RAB2A: variants seen among roughly 807,000 people sequenced by gnomAD.
RAB2A encodes RAB2A, member RAS oncogene family.
In RAB2A, 7 loss-of-function variants were observed where a neutral mutation model predicts 32.5. The ratio of observed to expected loss-of-function variants is 0.22; its 90% CI spans 0.12 to 0.40. The LOEUF is 0.40. Ranked by LOEUF, RAB2A falls within the 10% of genes least tolerant of loss-of-function variation. RAB2A has a pLI of 1.00. For synonymous variants in RAB2A, 79 were observed against 85.2 expected, an observed-to-expected ratio of 0.93 and a Z score of 0.40; for missense variants, 108 against 260.7, an observed-to-expected ratio of 0.41 and a Z score of 4.03.
intron 2 of RAB2A, among the ~76,000 whole-genome samples, chr8:60,569,537 G>A (rs117055822): frequency 6.6e-6 from 1 of 152,008 alleles, no homozygotes; most frequent in Non-Finnish European, 1.5e-5. Context: ...TTGAGACAAG[G>A]TCTCACTCTG....
chr8:60,525,524 T>C (rs1423717418), intron 1 of RAB2A, among the ~76,000 whole-genome samples: 1 of 152,194 alleles, frequency 6.6e-6, no homozygotes, highest in East Asian at 1.9e-4. Flanking sequence ...GCCATTCTCT[T>C]GATTACAGGG....
At chr8:60,528,288 TA>T (rs1422697747) in intron 1 of RAB2A, among the ~76,000 whole-genome samples, 1 of 152,236 alleles carries the variant, frequency 6.6e-6, no homozygotes, top group Non-Finnish European at 1.5e-5. Context: ...TCGTTATCTA[TA>T]AAATGGGAAT....
At chr8:60,563,850 T>C (rs540751435) in intron 2 of RAB2A, among the ~76,000 whole-genome samples, 1 of 152,328 alleles carries the variant, frequency 6.6e-6, no homozygotes, top group East Asian at 1.9e-4. Context: ...GATTCAACTT[T>C]AATAGCTGTG....
chr8:60,534,253 G>A (rs1009105647), intron 1 of RAB2A, among the ~76,000 whole-genome samples: 1 of 152,148 alleles, frequency 6.6e-6, no homozygotes, highest in African/African-American at 2.4e-5. Flanking sequence ...ATTCATATAT[G>A]TTCTCGCGGT....
intron 1 of RAB2A, among the ~76,000 whole-genome samples, chr8:60,530,090 CCCAAGT>C (rs1216104213): frequency 8.6e-5 from 13 of 151,126 alleles, no homozygotes; most frequent in Admixed American, 1.3e-4. Flanking sequence ...AGCGTAGGCT[CCCAAGT>C]AGCTGAGGTC....
intron 3 of RAB2A, among the ~76,000 whole-genome samples, chr8:60,581,566 C>T (rs1399381291): frequency 6.6e-6 from 1 of 152,150 alleles, no homozygotes; most frequent in East Asian, 1.9e-4. Flanking sequence ...AAAGCAAAAC[C>T]TCAAATAAGG....
intron 1 of RAB2A, among the ~76,000 whole-genome samples, chr8:60,524,626 T>G (rs781651225): frequency 1.3e-5 from 2 of 152,256 alleles, no homozygotes; most frequent in Non-Finnish European, 2.9e-5. Context: ...AATGCACACA[T>G]AGTAGCCCCC....
intron 2 of RAB2A, among the ~76,000 whole-genome samples, chr8:60,571,508 A>G (rs1808197192): frequency 2.0e-5 from 3 of 152,178 alleles, no homozygotes; most frequent in African/African-American, 7.2e-5. Context: ...TTTGTGCAGG[A>G]TTGTATACTT....
chr8:60,546,950 A>G lies in RAB2A; in HGVS notation c.47-11902A>G, dbSNP rs1200678152. ...TCTTGGGTGTTTCTCGCAGAGGGGG[A>G]TTTGGCAGGGTCACAGGACAATAGT... On this transcript the variant is annotated intron_variant, in intron 1 of 7. Transcript: ENST00000262646. Among the ~76,000 whole-genome samples, 350 of 96,072 alleles carry G rather than the reference A, an allele frequency of 3.6e-3. 2 individuals carry two copies. The highest frequency in any genetic ancestry group is 0.015 in the African/African-American group (326 of 22,252). The allele number at this position is 96,072 out of a possible 152,430, so 63.0% of individuals were successfully genotyped here. A position where few individuals can be genotyped will look rare whatever the true frequency, so the allele number is the denominator to read the frequency against.
chr8:60,586,539 TA>T (rs1803852076), intron 5 of RAB2A, among the ~76,000 whole-genome samples: 1 of 151,952 alleles, frequency 6.6e-6, no homozygotes, highest in Non-Finnish European at 1.5e-5. Context: ...GAGAATATTG[TA>T]AACAGACTAA....
chr8:60,553,994 G>T (rs569157244), intron 1 of RAB2A, among the ~76,000 whole-genome samples: 48 of 152,108 alleles, frequency 3.2e-4, no homozygotes, highest in Non-Finnish European at 6.5e-4. Flanking sequence ...GGGGACAATG[G>T]TTTGTTGTTG....
intron 6 of RAB2A, among the ~76,000 whole-genome samples, chr8:60,614,199 T>C (rs1258046810): frequency 9.2e-6 from 1 of 108,460 alleles, no homozygotes; most frequent in Non-Finnish European, 2.1e-5. Context: ...GTTAGCACAA[T>C]ATCCGTGAGA....
intron 1 of RAB2A, among the ~76,000 whole-genome samples, chr8:60,546,891 CTTTTTT>C (rs6150606): frequency 1.0e-5 from 1 of 98,948 alleles, no homozygotes; most frequent in Non-Finnish European, 2.0e-5. Context: ...TTTTTTGGGT[CTTTTTT>C]TTTTTTTTTT....
chr8:60,543,151 T>TAA (rs1441998736), intron 1 of RAB2A, among the ~76,000 whole-genome samples: 1 of 152,242 alleles, frequency 6.6e-6, no homozygotes, highest in Admixed American at 6.5e-5. Flanking sequence ...AAGATGACTC[T>TAA]TGATTAGTGT....
At chr8:60,576,300 A>G (rs2946154) in intron 3 of RAB2A, 223,723 of 455,910 alleles carry the variant, frequency 0.49, 61,327 homozygotes, top group African/African-American at 0.88. Context: ...AGGCAGAGGT[A>G]TGTTCTCACT....
chr8:60,541,508 A>T (rs1294600039), intron 1 of RAB2A, among the ~76,000 whole-genome samples: 1 of 152,086 alleles, frequency 6.6e-6, no homozygotes, highest in Non-Finnish European at 1.5e-5. Flanking sequence ...GGCCAACATG[A>T]TGAAACCCCA....
intron 2 of RAB2A, among the ~76,000 whole-genome samples, chr8:60,565,676 ATTTTTTTTTTTTTTTTTTTTTTTTTTTTT>A (rs71252885): frequency 1.8e-4 from 18 of 97,710 alleles, no homozygotes; most frequent in East Asian, 8.8e-4. Flanking sequence ...TCTGTAGCTG[ATTTTTTTTTTTTTTTTTTTTTTTTTTTTT>A]TTTTTTTTTT....
At chr8:60,555,085 T>C (rs964335959) in intron 1 of RAB2A, among the ~76,000 whole-genome samples, 2 of 152,204 alleles carry the variant, frequency 1.3e-5, no homozygotes, top group African/African-American at 4.8e-5. Flanking sequence ...GGCAGATACA[T>C]TATATAGATA....
At chr8:60,554,771 T>A (rs552910320) in intron 1 of RAB2A, among the ~76,000 whole-genome samples, 1 of 152,052 alleles carries the variant, frequency 6.6e-6, no homozygotes, top group Non-Finnish European at 1.5e-5. Context: ...GAGAATTGCT[T>A]GAACCCGGAA....
Sources: allele counts gnomAD v4.1 joint callset (sites outside exome capture counted in the v4.1 genomes callset), GRCh38; gene constraint gnomAD v4.1.1; transcripts MANE v1.5; gene names NCBI Gene and HGNC (gene_info 2026-07-23, HGNC 2026-07-21).